Variants in MAF observed in about 807,000 individuals in gnomAD.
The protein encoded by MAF is transcription factor Maf.
In MAF, 10 loss-of-function variants were observed where a neutral mutation model predicts 22.0. That is an observed-to-expected ratio of 0.45 (90% CI 0.28 to 0.77). MAF has a LOEUF of 0.77. Among genes scored for constraint, MAF ranks in the 30% least tolerant of loss-of-function variants. MAF has a pLI of 0.12. For synonymous variants in MAF, 337 were observed against 255.8 expected (o/e 1.32, Z -3.03); for missense variants, 544 against 548.4 (o/e 0.99, Z 0.08).
At chr16:79,232,304 AAT>A in the MAF span, among the ~76,000 whole-genome samples, 2 of 152,094 alleles carry the variant, frequency 1.3e-5, no homozygotes, top group Admixed American at 1.3e-4. Context: ...GGGAGATATG[AAT>A]ATAGGCATGG....
At chr16:79,211,840 G>A in the MAF span, 2 of 1,611,590 alleles carry the variant, frequency 1.2e-6, no homozygotes, top group Non-Finnish European at 1.7e-6. Context: ...CCCTGTGTGT[G>A]TCCCCTCACG....
At chr16:79,247,327 G>A in the MAF span, among the ~76,000 whole-genome samples, 1 of 152,284 alleles carries the variant, frequency 6.6e-6, no homozygotes, top group East Asian at 1.9e-4. Context: ...AAATGAATAT[G>A]GATTTGATAT....
chr16:79,245,815 C>T, the MAF span, among the ~76,000 whole-genome samples: 1 of 152,064 alleles, frequency 6.6e-6, no homozygotes, highest in African/African-American at 2.4e-5. Flanking sequence ...CCCAAATGCC[C>T]ATCAGTGATA....
the MAF span, among the ~76,000 whole-genome samples, chr16:79,580,511 C>G: frequency 4.6e-3 from 702 of 152,268 alleles, 4 homozygotes; most frequent in African/African-American, 0.016. Flanking sequence ...AGAAAAACAT[C>G]GAAGATGCAG....
At chr16:79,591,743 C>T (rs986910155), downstream of MAF, among the ~76,000 whole-genome samples, 1 of 152,096 alleles carries the variant, frequency 6.6e-6, no homozygotes, top group African/African-American at 2.4e-5. Flanking sequence ...AGAGGGCCTT[C>T]GAATTTAAAC....
the MAF span, among the ~76,000 whole-genome samples, chr16:79,420,948 C>G: frequency 6.6e-6 from 1 of 151,800 alleles, no homozygotes; most frequent in African/African-American, 2.4e-5. Flanking sequence ...ACAGGAGAAT[C>G]GCTGGAACCC....
the MAF span, among the ~76,000 whole-genome samples, chr16:79,528,052 G>A: frequency 6.6e-6 from 1 of 152,164 alleles, no homozygotes; most frequent in South Asian, 2.1e-4. Flanking sequence ...CTGAGCAGGA[G>A]AATCACTTGA....
the MAF span, among the ~76,000 whole-genome samples, chr16:79,225,958 G>T: frequency 5.9e-5 from 9 of 152,238 alleles, no homozygotes; most frequent in South Asian, 2.1e-4. Context: ...AACCATTGTG[G>T]AAGACAGTGT....
the MAF span, among the ~76,000 whole-genome samples, chr16:79,523,188 C>T: frequency 6.6e-6 from 1 of 152,136 alleles, no homozygotes; most frequent in Admixed American, 6.5e-5. Context: ...TTCCATGTGG[C>T]AAAACCAAAG....
the MAF span, among the ~76,000 whole-genome samples, chr16:79,370,422 G>T: frequency 5.3e-5 from 8 of 152,160 alleles, no homozygotes; most frequent in African/African-American, 1.4e-4. Flanking sequence ...ACTCACAGAG[G>T]TTCTGACTAG....
chr16:79,227,152 C>G, the MAF span, among the ~76,000 whole-genome samples: 1 of 152,042 alleles, frequency 6.6e-6, no homozygotes, highest in African/African-American at 2.4e-5. Context: ...AGCCTGGTCT[C>G]AACCCCATCT....
chr16:79,393,798 G>C, the MAF span, among the ~76,000 whole-genome samples: 4 of 152,164 alleles, frequency 2.6e-5, no homozygotes, highest in African/African-American at 9.7e-5. Context: ...ATCAAAAGAG[G>C]TGTTTACGGA....
chr16:79,239,018 G>A, the MAF span, among the ~76,000 whole-genome samples: 753 of 151,976 alleles, frequency 5.0e-3, 7 homozygotes, highest in African/African-American at 0.017. Flanking sequence ...TACAAGCTGG[G>A]GAGGTCTAAA....
chr16:79,594,060 T>C lies in MAF; in HGVS notation c.*400A>G, dbSNP rs30411. 0.14 allele frequency: 33,404 copies of C among 231,830 alleles called. 2,943 individuals are homozygous for C. The highest frequency in any genetic ancestry group is 0.19 in the Non-Finnish European group (21,521 of 116,254). The allele number at this position is 231,830 out of a possible 1,614,324, so 14.4% of individuals were successfully genotyped here. A position where few individuals can be genotyped will look rare whatever the true frequency, so the allele number is the denominator to read the frequency against. On this transcript the variant is annotated 3_prime_UTR_variant, in exon 2 of 2. Coordinates refer to ENST00000326043, the MANE Select transcript of MAF (RefSeq NM_005360.5). The stretch of plus-strand genomic sequence containing the variant: ...GTAAAATTATCTGCCAGAGAAACAA[T>C]GAAGCATGAAAAAGTACTATTTAGA...
the MAF span, among the ~76,000 whole-genome samples, chr16:79,445,188 C>A: frequency 6.8e-6 from 1 of 147,056 alleles, no homozygotes; most frequent in African/African-American, 2.5e-5. Context: ...CACCTGCCAC[C>A]ATACCCGTCT....
At chr16:79,546,393 T>C in the MAF span, among the ~76,000 whole-genome samples, 1 of 152,316 alleles carries the variant, frequency 6.6e-6, no homozygotes, top group African/African-American at 2.4e-5. Context: ...TATGCCACTT[T>C]TTATGAATGA....
chr16:79,275,429 T>A, the MAF span, among the ~76,000 whole-genome samples: 4 of 152,230 alleles, frequency 2.6e-5, no homozygotes, highest in Non-Finnish European at 4.4e-5. Context: ...CATTATTCAT[T>A]GAATACTCAC....
the MAF span, among the ~76,000 whole-genome samples, chr16:79,490,898 G>A: frequency 6.6e-6 from 1 of 152,170 alleles, no homozygotes; most frequent in African/African-American, 2.4e-5. Context: ...AGAAGGAAGA[G>A]GCGGGGTGAT....
At chr16:79,515,248 A>G in the MAF span, among the ~76,000 whole-genome samples, 1 of 152,200 alleles carries the variant, frequency 6.6e-6, no homozygotes, top group Non-Finnish European at 1.5e-5. Context: ...GTAGTCCCTG[A>G]TAATTGTCTA....
Sources: allele counts gnomAD v4.1 joint callset (sites outside exome capture counted in the v4.1 genomes callset), GRCh38; gene constraint gnomAD v4.1.1; transcripts MANE v1.5; gene names NCBI Gene and HGNC (gene_info 2026-07-23, HGNC 2026-07-21).